The following PTPRR variants were observed in gnomAD, a reference collection of about 807,000 sequenced individuals.
PTPRR encodes the protein protein tyrosine phosphatase receptor type R.
In PTPRR, 38 loss-of-function variants were observed where a neutral mutation model predicts 77.2. That is an observed-to-expected ratio of 0.49 (90% CI 0.38 to 0.65). PTPRR has a LOEUF of 0.65. Among genes scored for constraint, PTPRR ranks in the 30% least tolerant of loss-of-function variants. PTPRR has a pLI of 0.00. For synonymous variants in PTPRR, 299 were observed against 283.1 expected, an observed-to-expected ratio of 1.06 and a Z score of -0.57; for missense variants, 744 against 799.2, an observed-to-expected ratio of 0.93 and a Z score of 0.83.
At chr12:70,682,034 CTTTTTTTTTTTTTTTTTT>C (rs578204454) in intron 10 of PTPRR, among the ~76,000 whole-genome samples, 1 of 62,690 alleles carries the variant, frequency 1.6e-5, no homozygotes, top group African/African-American at 6.0e-5. Flanking sequence ...TTGTTGTTCA[CTTTTTTTTTTTTTTTTTT>C]TTTTTTTTTG....
At chr12:70,893,448 T>G (rs948911698) in intron 1 of PTPRR, among the ~76,000 whole-genome samples, 4 of 151,976 alleles carry the variant, frequency 2.6e-5, no homozygotes, top group African/African-American at 9.7e-5. Flanking sequence ...ACAGAGTATT[T>G]AAGCTCTCTG....
At chr12:70,839,293 AT>A (rs1159139726) in intron 2 of PTPRR, among the ~76,000 whole-genome samples, 1 of 149,944 alleles carries the variant, frequency 6.7e-6, no homozygotes, top group Admixed American at 6.8e-5. Context: ...CATCTCAGTC[AT>A]TTTTTTCCTC....
At chr12:70,894,237 G>A (rs1893387318) in intron 1 of PTPRR, among the ~76,000 whole-genome samples, 1 of 151,706 alleles carries the variant, frequency 6.6e-6, no homozygotes, top group South Asian at 2.1e-4. Context: ...GCAAGCGTCT[G>A]TACTTTATTT....
At chr12:70,907,220 A>G (rs1326344278) in intron 1 of PTPRR, among the ~76,000 whole-genome samples, 1 of 152,198 alleles carries the variant, frequency 6.6e-6, no homozygotes, top group Non-Finnish European at 1.5e-5. Flanking sequence ...CCAATAGCAA[A>G]GTAATTGTTC....
chr12:70,817,789 C>T (rs562470428), intron 2 of PTPRR, among the ~76,000 whole-genome samples: 1 of 152,278 alleles, frequency 6.6e-6, no homozygotes, highest in East Asian at 1.9e-4. Flanking sequence ...GACCCACAAG[C>T]ACATGCACAT....
At chr12:70,677,745 T>G (rs1887500855) in intron 10 of PTPRR, among the ~76,000 whole-genome samples, 1 of 152,240 alleles carries the variant, frequency 6.6e-6, no homozygotes, top group Non-Finnish European at 1.5e-5. Context: ...CTTGCATCCC[T>G]GGGATGAATT....
rs1399364825 is a variant in PTPRR at position 70,843,905 on chromosome 12, TC to T, written c.357+48773del. Among the ~76,000 whole-genome samples the T allele has an allele frequency of 5.4e-5, 8 of 147,226 alleles. No homozygotes were observed. In the East Asian group the frequency reaches 1.5e-3, roughly 27 times the overall value. On this transcript the variant is annotated intron_variant, in intron 2 of 13. Coordinates refer to ENST00000283228, the MANE Select transcript of PTPRR (RefSeq NM_002849.4). The stretch of plus-strand genomic sequence containing the variant: ...ATCTCGGCTCACTGCAACACCTGCC[TC>T]CCAGGTTCAAGTGATTCTCCTGCCT...
chr12:70,762,447 G>T (rs752471035), intron 3 of PTPRR, among the ~76,000 whole-genome samples: 2 of 152,126 alleles, frequency 1.3e-5, no homozygotes, highest in Non-Finnish European at 2.9e-5. Context: ...TTCTTTTAAT[G>T]TGCTTTATCA....
chr12:70,888,819 C>T (rs1201192152), intron 2 of PTPRR, among the ~76,000 whole-genome samples: 1 of 151,996 alleles, frequency 6.6e-6, no homozygotes, highest in Middle Eastern at 3.2e-3. Flanking sequence ...GACCTATTGT[C>T]CCTACTATGT....
At chr12:70,669,549 A>G (rs1461794975) in intron 10 of PTPRR, among the ~76,000 whole-genome samples, 1 of 128,764 alleles carries the variant, frequency 7.8e-6, no homozygotes, top group African/African-American at 3.5e-5. Flanking sequence ...AGCCATATAT[A>G]TATATGTTAT....
intron 13 of PTPRR, among the ~76,000 whole-genome samples, chr12:70,653,613 C>T (rs1438791559): frequency 5.3e-5 from 8 of 152,080 alleles, no homozygotes; most frequent in Admixed American, 5.2e-4. Flanking sequence ...AGGTTCCTTG[C>T]TACGTATAGT....
intron 2 of PTPRR, among the ~76,000 whole-genome samples, chr12:70,783,055 G>A (rs554579025): frequency 6.6e-6 from 1 of 152,178 alleles, no homozygotes; most frequent in African/African-American, 2.4e-5. Context: ...TATTGATAAG[G>A]GATCATTGGG....
intron 2 of PTPRR, among the ~76,000 whole-genome samples, chr12:70,853,616 C>A (rs763840558): frequency 6.6e-6 from 1 of 152,108 alleles, no homozygotes; most frequent in Non-Finnish European, 1.5e-5. Context: ...TTGGCCTGAC[C>A]GCAAATATGC....
chr12:70,684,614 C>A, intron 9 of PTPRR, 90 bp downstream of exon 9: 1 of 929,574 alleles, frequency 1.1e-6, no homozygotes, highest in Non-Finnish European at 1.6e-6. Flanking sequence ...TCAAGTTAAA[C>A]CAAGCTTAAT....
chr12:70,843,979 C>A (rs903744105), intron 2 of PTPRR, among the ~76,000 whole-genome samples: 3 of 151,826 alleles, frequency 2.0e-5, no homozygotes, highest in African/African-American at 2.4e-5. Flanking sequence ...CCACGCCCAG[C>A]TAATTTTTGT....
Position 70,809,264 on chromosome 12 carries a change from G to A in PTPRR, c.358-44486C>T, listed in dbSNP as rs1386973757. 2.6e-5 allele frequency among the ~76,000 whole-genome samples: 4 copies of A among 152,298 alleles called. No individual in the cohort carries two copies. The East Asian group carries it at 7.7e-4, about 29-fold the overall frequency. ...AGAGATGTGCAGCTTTTGCAACCAT[G>A]AGGTAGAAAGTACAAAGCCAGAAGG... is the stretch of plus-strand genomic sequence containing the variant. On this transcript the variant is annotated intron_variant, in intron 2 of 13. Coordinates refer to ENST00000283228, the MANE Select transcript of PTPRR (RefSeq NM_002849.4).
At chr12:70,814,781 A>T (rs1053141025) in intron 2 of PTPRR, among the ~76,000 whole-genome samples, 1 of 152,218 alleles carries the variant, frequency 6.6e-6, no homozygotes, top group African/African-American at 2.4e-5. Context: ...CACCTAGCAA[A>T]GTTTAATGTA....
intron 1 of PTPRR, among the ~76,000 whole-genome samples, chr12:70,911,380 C>T (rs576090896): frequency 2.0e-5 from 3 of 152,010 alleles, no homozygotes; most frequent in East Asian, 1.9e-4. Flanking sequence ...AGCTTTTCAC[C>T]CTTTGTGGGT....
At chr12:70,745,131 C>T (rs1890172259) in intron 6 of PTPRR, among the ~76,000 whole-genome samples, 1 of 151,964 alleles carries the variant, frequency 6.6e-6, no homozygotes, top group Admixed American at 6.6e-5. Flanking sequence ...GTGATGCTAT[C>T]TCGGCTCACT....
Sources: allele counts gnomAD v4.1 joint callset (sites outside exome capture counted in the v4.1 genomes callset), GRCh38; gene constraint gnomAD v4.1.1; transcripts MANE v1.5; gene names NCBI Gene and HGNC (gene_info 2026-07-23, HGNC 2026-07-21).